Variants in SLC12A8 observed in about 807,000 individuals in gnomAD.
The protein encoded by SLC12A8 is cation-chloride cotransporter 9.
Under a neutral mutation model 75.6 loss-of-function variants are expected in SLC12A8, and 69 were observed. The ratio of observed to expected loss-of-function variants is 0.91; its 90% CI spans 0.75 to 1.11. The LOEUF is 1.11. SLC12A8 is among the 50% of genes most tolerant of loss of function. The pLI is 0.00. For missense variants in SLC12A8, 877 were observed against 896.7 expected (o/e 0.98, Z 0.28); for synonymous variants, 365 against 372.8 (o/e 0.98, Z 0.24).
chr3:125,188,600 T>G (rs950715190), intron 3 of SLC12A8, among the ~76,000 whole-genome samples: 2 of 152,166 alleles, frequency 1.3e-5, no homozygotes, highest in Admixed American at 1.3e-4. Flanking sequence ...ACACAGCACT[T>G]CTAAGAAGGA....
At chr3:125,109,580 G>C (rs571484396) in intron 9 of SLC12A8, among the ~76,000 whole-genome samples, 1 of 152,268 alleles carries the variant, frequency 6.6e-6, no homozygotes, top group South Asian at 2.1e-4. Context: ...CATATTAGTG[G>C]GAAATGGGAT....
chr3:125,108,085 G>A lies in SLC12A8; in HGVS notation c.1101C>T (p.Thr367=), dbSNP rs1393474653. 6 of 1,614,140 alleles carry A rather than the reference G, an allele frequency of 3.7e-6. No individual in the cohort carries two copies. The highest frequency in any genetic ancestry group is 1.3e-5 in the African/African-American group (1 of 75,036). The change falls in exon 10 of 14, where the codon ACC becomes ACT. Residue 367 remains threonine, a synonymous_variant. Transcript: ENST00000469902. The part of the protein sequence containing the change: ...NKTPVAAICL[T]SLVTMAFVFV... ...AAACAAAGGCCATGGTCACCAAGCT[G>A]GTCAGGCAGATGGCAGCCACGGGTG... is the stretch of plus-strand genomic sequence containing the variant.
At chr3:125,180,504 G>A (rs1159428516) in intron 4 of SLC12A8, among the ~76,000 whole-genome samples, 1 of 152,024 alleles carries the variant, frequency 6.6e-6, no homozygotes, top group African/African-American at 2.4e-5. Context: ...ACTAGCCTGG[G>A]CAACATGGTG....
At chr3:125,174,057 A>C (rs1022538894) in intron 5 of SLC12A8, among the ~76,000 whole-genome samples, 1 of 152,238 alleles carries the variant, frequency 6.6e-6, no homozygotes, top group Non-Finnish European at 1.5e-5. Flanking sequence ...GTGCCACTGC[A>C]CTCCAGCCTG....
intron 10 of SLC12A8, among the ~76,000 whole-genome samples, chr3:125,099,160 G>A (rs1431196244): frequency 6.9e-6 from 1 of 144,746 alleles, no homozygotes; most frequent in African/African-American, 2.8e-5. Flanking sequence ...GAGCCTTAAG[G>A]GCTATGCAGA....
intron 10 of SLC12A8, among the ~76,000 whole-genome samples, chr3:125,094,287 G>A (rs538176020): frequency 6.6e-5 from 10 of 151,928 alleles, no homozygotes; most frequent in Non-Finnish European, 8.8e-5. Flanking sequence ...CCTACCTCCC[G>A]CTTTCCCTAA....
At chr3:125,176,859 A>G (rs2107787814) in intron 5 of SLC12A8, among the ~76,000 whole-genome samples, 1 of 149,782 alleles carries the variant, frequency 6.7e-6, no homozygotes, top group African/African-American at 2.4e-5. Context: ...AAATAGGAAC[A>G]CTTTTACACT....
chr3:125,106,739 T>C (rs959555205), intron 10 of SLC12A8, among the ~76,000 whole-genome samples: 1 of 152,130 alleles, frequency 6.6e-6, no homozygotes, highest in East Asian at 1.9e-4. Context: ...AGGGAGAGCA[T>C]AATGTAGAGG....
chr3:125,193,932 C>T (rs1934956149), intron 2 of SLC12A8, among the ~76,000 whole-genome samples: 1 of 152,168 alleles, frequency 6.6e-6, no homozygotes, highest in Non-Finnish European at 1.5e-5. Context: ...CTCTTTAGGA[C>T]CTAGTGTCCC....
intron 5 of SLC12A8, among the ~76,000 whole-genome samples, chr3:125,168,209 A>T (rs1484650300): frequency 6.6e-6 from 1 of 152,106 alleles, no homozygotes; most frequent in African/African-American, 2.4e-5. Context: ...CTTAAGCTAG[A>T]CAGAGAAATA....
At chr3:125,100,168 A>G (rs1938832084) in intron 10 of SLC12A8, among the ~76,000 whole-genome samples, 1 of 152,208 alleles carries the variant, frequency 6.6e-6, no homozygotes, top group Admixed American at 6.5e-5. Flanking sequence ...TGTCAAGTAT[A>G]TCAATAAATA....
intron 10 of SLC12A8, among the ~76,000 whole-genome samples, chr3:125,098,176 C>T (rs901650230): frequency 2.0e-5 from 3 of 152,150 alleles, no homozygotes; most frequent in Non-Finnish European, 4.4e-5. Flanking sequence ...TAAATAAACA[C>T]ATAGTTCTAA....
intron 9 of SLC12A8, among the ~76,000 whole-genome samples, chr3:125,109,674 C>T (rs1305607242): frequency 1.3e-5 from 2 of 152,128 alleles, no homozygotes; most frequent in East Asian, 3.8e-4. Context: ...ACTGAGCTGC[C>T]CTTTATGTAT....
chr3:125,211,425 G>A (rs1469281179), intron 1 of SLC12A8, 31 bp from the exon 2 acceptor site: 6 of 1,208,120 alleles, frequency 5.0e-6, no homozygotes, highest in African/African-American at 4.5e-5. Flanking sequence ...TGGTCAGGCT[G>A]GCTTCTCCTC....
Position 125,177,970 on chromosome 3 carries a change from A to G in SLC12A8, c.395T>C (p.Val132Ala). The G allele has an allele frequency of 6.2e-7, 1 of 1,611,760 alleles. No individual in the cohort carries two copies. Among genetic ancestry groups the G allele is most frequent in the Non-Finnish European group, 8.5e-7 (1 of 1,178,730 alleles). The change falls in exon 5 of 14, where the codon GTT (valine) becomes GCT (alanine). Residue 132 changes from valine (V) to alanine (A), a missense_variant. Physicochemically the swap from Val to Ala is moderately conservative, Grantham distance 64. Coordinates refer to ENST00000469902, the MANE Select transcript of SLC12A8 (RefSeq NM_024628.6). ...GCCGGTGATATACATGGCACCTGCA[A>G]CACACTGACATGCGATTCCAGGTAG... ...IGLLYVFGQCVAGAMYITGFA... is the reference protein window; with the variant it reads ...IGLLYVFGQCAAGAMYITGFA...
At chr3:125,109,940 T>C (rs1939146575) in intron 9 of SLC12A8, among the ~76,000 whole-genome samples, 1 of 152,178 alleles carries the variant, frequency 6.6e-6, no homozygotes, top group Non-Finnish European at 1.5e-5. Flanking sequence ...ACTGGTTAGC[T>C]AACCCAGTCC....
chr3:125,099,104 T>C (rs1229317789), intron 10 of SLC12A8, among the ~76,000 whole-genome samples: 1 of 152,180 alleles, frequency 6.6e-6, no homozygotes, highest in Non-Finnish European at 1.5e-5. Context: ...GGATCCAGTT[T>C]TGACTATGCT....
rs1365097517 is a variant in SLC12A8 at position 125,190,425 on chromosome 3, T to C, written c.148A>G (p.Met50Val). ...GTWDGVFTSC[M>V]INIFGVVLFL... ...AGCACAACCCCAAAGATGTTGATCA[T>C]GCAGGATGTGAACACACCATCCCAG... Residue 50 changes from methionine (M) to valine (V), a missense_variant, in exon 3 of 14, where the codon ATG becomes GTG. By Grantham distance (21) the Met-to-Val change is conservative. Coordinates refer to ENST00000469902, the MANE Select transcript of SLC12A8 (RefSeq NM_024628.6). 4 of 1,614,074 alleles carry C rather than the reference T, an allele frequency of 2.5e-6. No individual in the cohort carries two copies. Among genetic ancestry groups the C allele is most frequent in the South Asian group, 1.1e-5 (1 of 91,082 alleles).
intron 8 of SLC12A8, among the ~76,000 whole-genome samples, chr3:125,117,324 T>C (rs1211045045): frequency 6.6e-6 from 1 of 151,790 alleles, no homozygotes; most frequent in South Asian, 2.1e-4. Flanking sequence ...TAGGGGCTCA[T>C]GCCTGTAATC....
Sources: gnomAD v4.1 joint callset for allele counts (sites outside exome capture counted in the v4.1 genomes callset) on GRCh38, gnomAD v4.1.1 for gene constraint, MANE v1.5 for transcripts, NCBI Gene and HGNC (gene_info 2026-07-23, HGNC 2026-07-21) for gene names.